DPP10: variants seen among roughly 807,000 people sequenced by gnomAD.
DPP10 encodes the protein inactive dipeptidyl peptidase 10.
Under a neutral mutation model 120.9 loss-of-function variants are expected in DPP10, and 33 were observed. The ratio of observed to expected loss-of-function variants is 0.27; its 90% CI spans 0.21 to 0.37. The LOEUF (loss-of-function observed/expected upper bound fraction) is 0.37. Ranked by LOEUF, DPP10 falls within the 10% of genes least tolerant of loss-of-function variation. The probability of loss-of-function intolerance (pLI) is 1.00; values close to 1 mark genes in which losing one functional copy is unlikely to be tolerated. For synonymous variants in DPP10, 337 were observed against 326.1 expected (o/e 1.03, Z -0.36); for missense variants, 816 against 942.8 (o/e 0.87, Z 1.76).
intron 1 of DPP10, among the ~76,000 whole-genome samples, chr2:114,800,400 T>G (rs1269761750): frequency 6.6e-6 from 1 of 152,240 alleles, no homozygotes; most frequent in Admixed American, 6.5e-5. Context: ...TGATTTTGTA[T>G]ACTTATTTTA....
intron 1 of DPP10, among the ~76,000 whole-genome samples, chr2:114,572,047 G>C (rs1689699995): frequency 6.7e-6 from 1 of 150,272 alleles, no homozygotes; most frequent in South Asian, 2.1e-4. Flanking sequence ...AATATATACA[G>C]TATACATATT....
At chr2:115,301,528 A>C (rs933207025) in intron 1 of DPP10, among the ~76,000 whole-genome samples, 2 of 150,032 alleles carry the variant, frequency 1.3e-5, no homozygotes, top group African/African-American at 4.9e-5. Context: ...AGCACAAGCA[A>C]TAATGCCGTG....
chr2:114,788,939 G>A (rs1439625040), intron 1 of DPP10, among the ~76,000 whole-genome samples: 1 of 152,116 alleles, frequency 6.6e-6, no homozygotes, highest in Non-Finnish European at 1.5e-5. Flanking sequence ...CATTCCTGAG[G>A]ATAATAAAGT....
intron 1 of DPP10, among the ~76,000 whole-genome samples, chr2:115,251,989 A>T (rs1173818874): frequency 6.6e-6 from 1 of 152,200 alleles, no homozygotes; most frequent in Non-Finnish European, 1.5e-5. Context: ...TCTCTTGTTG[A>T]GCATGTCTAA....
intron 7 of DPP10, among the ~76,000 whole-genome samples, chr2:115,719,376 G>T (rs2421284): frequency 0.88 from 134,080 of 152,188 alleles, 59,194 homozygotes; most frequent in East Asian, 1. Flanking sequence ...AATGTCAAGG[G>T]ATGAGAGTTT....
At chr2:114,760,994 C>T (rs1315875819) in intron 1 of DPP10, among the ~76,000 whole-genome samples, 13 of 152,094 alleles carry the variant, frequency 8.5e-5, no homozygotes. Context: ...TTTGACTTTA[C>T]TGGGTATATC....
chr2:115,681,331 A>G (rs956869608), intron 5 of DPP10, among the ~76,000 whole-genome samples: 1 of 151,810 alleles, frequency 6.6e-6, no homozygotes, highest in African/African-American at 2.4e-5. Context: ...TAATACTTGG[A>G]ATTTATATTT....
intron 1 of DPP10, among the ~76,000 whole-genome samples, chr2:114,450,361 A>G (rs1249132421): frequency 2.0e-5 from 3 of 152,074 alleles, no homozygotes; most frequent in Non-Finnish European, 4.4e-5. Flanking sequence ...AATAACAATT[A>G]ATCTTTTGAG....
At chr2:115,318,241 GAT>G (rs2061892592) in intron 2 of DPP10, among the ~76,000 whole-genome samples, 1 of 152,132 alleles carries the variant, frequency 6.6e-6, no homozygotes, top group African/African-American at 2.4e-5. Flanking sequence ...CTTGGTTATA[GAT>G]ATATGAGTTA....
intron 1 of DPP10, among the ~76,000 whole-genome samples, chr2:114,777,168 A>G (rs776507215): frequency 1.3e-5 from 2 of 152,094 alleles, no homozygotes; most frequent in Non-Finnish European, 2.9e-5. Context: ...GTTTTTTATA[A>G]CCATATTCTC....
At chr2:115,815,856 T>C in intron 21 of DPP10, 127 bp downstream of exon 21, 1 of 979,316 alleles carries the variant, frequency 1.0e-6, no homozygotes, top group Admixed American at 2.0e-5. Flanking sequence ...CCATACTTAT[T>C]AACATGGAAA....
chr2:115,105,942 C>A (rs2048926060), intron 1 of DPP10, among the ~76,000 whole-genome samples: 2 of 152,130 alleles, frequency 1.3e-5, no homozygotes, highest in Admixed American at 6.5e-5. Flanking sequence ...ATCCTAATGG[C>A]AACACAAACC....
chr2:115,336,401 C>G (rs978694869), intron 2 of DPP10, among the ~76,000 whole-genome samples: 12 of 151,934 alleles, frequency 7.9e-5, no homozygotes, highest in African/African-American at 2.9e-4. Flanking sequence ...GATTCTGTTT[C>G]CAGGTCTCTA....
chr2:115,429,096 A>C (rs568744023), intron 3 of DPP10, among the ~76,000 whole-genome samples: 1 of 152,300 alleles, frequency 6.6e-6, no homozygotes, highest in Non-Finnish European at 1.5e-5. Context: ...AAGAAATAGA[A>C]ATGATAAACT....
chr2:115,302,756 A>G (rs925105023), intron 1 of DPP10, among the ~76,000 whole-genome samples: 2 of 152,090 alleles, frequency 1.3e-5, no homozygotes, highest in Admixed American at 1.3e-4. Flanking sequence ...ATTTAACCTT[A>G]TGTAGGTCAA....
chr2:115,464,094 T>A (rs1267097065), intron 3 of DPP10, among the ~76,000 whole-genome samples: 3 of 152,120 alleles, frequency 2.0e-5, no homozygotes, highest in Admixed American at 2.0e-4. Context: ...TCCTCACTGT[T>A]CAACCTCCAG....
intron 1 of DPP10, among the ~76,000 whole-genome samples, chr2:114,731,281 T>A (rs1243517603): frequency 6.6e-6 from 1 of 152,196 alleles, no homozygotes; most frequent in Non-Finnish European, 1.5e-5. Flanking sequence ...TATATGTCAT[T>A]AAATTTCCAA....
rs571283370 is a variant in DPP10 at position 115,085,974 on chromosome 2, T to A, written c.61-223265T>A. Reference sequence around the variant, plus strand: ...AGGTGGGTACCCTATATATCGTGACTTACTTTCCAATCTGACTCTGGCATA... The same window carrying A: ...AGGTGGGTACCCTATATATCGTGACATACTTTCCAATCTGACTCTGGCATA... On this transcript the variant is annotated intron_variant, in intron 1 of 25. Transcript: ENST00000410059. 4.6e-5 allele frequency among the ~76,000 whole-genome samples: 7 copies of A among 152,256 alleles called. No individual in the cohort carries two copies. The South Asian group carries it at 1.5e-3, about 32-fold the overall frequency.
Position 115,698,064 on chromosome 2 carries a change from C to T in DPP10, c.576+8143C>T, listed in dbSNP as rs537181871. Among the ~76,000 whole-genome samples the T allele has an allele frequency of 1.1e-3, 160 of 152,238 alleles. 1 individual carries two copies. The highest frequency in any genetic ancestry group is 3.6e-3 in the African/African-American group (149 of 41,560). On this transcript the variant is annotated intron_variant, in intron 7 of 25. Transcript: ENST00000410059. ...TACAGAACACTCAACCTAACAACAG[C>T]GTACACGTTCTTTCACGGGCGTTTG...
Sources: allele counts gnomAD v4.1 joint callset (sites outside exome capture counted in the v4.1 genomes callset), GRCh38; gene constraint gnomAD v4.1.1; transcripts MANE v1.5; gene names NCBI Gene and HGNC (gene_info 2026-07-23, HGNC 2026-07-21).